Variants in KIAA0586 observed in about 807,000 individuals in gnomAD.
KIAA0586 encodes KIAA0586.
Under a neutral mutation model 169.8 loss-of-function variants are expected in KIAA0586, and 144 were observed. The ratio of observed to expected loss-of-function variants is 0.85; its 90% CI spans 0.74 to 0.97. KIAA0586 has a LOEUF of 0.97. Among genes scored for constraint, KIAA0586 ranks in the 50% least tolerant of loss-of-function variants. The probability of loss-of-function intolerance (pLI) is 0.00; values close to 1 mark genes in which losing one functional copy is unlikely to be tolerated. For synonymous variants in KIAA0586, 625 were observed against 612.4 expected (o/e 1.02, Z -0.30); for missense variants, 1,854 against 1,823.0 (o/e 1.02, Z -0.31).
chr14:58,470,235 T>TA (rs2041103901), intron 16 of KIAA0586, among the ~76,000 whole-genome samples: 1 of 152,094 alleles, frequency 6.6e-6, no homozygotes, highest in Admixed American at 6.6e-5. Flanking sequence ...CATTTAAAAA[T>TA]ATAATTATGA....
chr14:58,493,256 T>C (rs1253221633), intron 26 of KIAA0586, among the ~76,000 whole-genome samples: 1 of 152,174 alleles, frequency 6.6e-6, no homozygotes, highest in Non-Finnish European at 1.5e-5. Context: ...ATCTTGAGGT[T>C]CCTACCTTAG....
At chr14:58,469,516 C>G (rs1043883156) in intron 16 of KIAA0586, among the ~76,000 whole-genome samples, 3 of 152,142 alleles carry the variant, frequency 2.0e-5, no homozygotes, top group Admixed American at 6.5e-5. Flanking sequence ...GAGCCAAGTA[C>G]AAACCCGGTC....
At position 58,550,075 on chromosome 14, in the gene KIAA0586, C is replaced by G. The variant is rs1306426576; in HGVS notation, c.*2143C>G. On this transcript the variant is annotated 3_prime_UTR_variant, in exon 31 of 31. Transcript: ENST00000652326. ...GTGCAATGGCACAATCTTGGCTCAC[C>G]GCAACCTCTGCCTCCTGGTTTCAAG... 6.6e-6 allele frequency: 1 copy of G among 152,064 alleles called. No individual in the cohort carries two copies. 9.4% of individuals were successfully genotyped at this position (152,064 alleles called of 1,614,324 possible).
At chr14:58,508,832 A>G (rs776778276) in intron 28 of KIAA0586, 123 bp downstream of exon 28, 5 of 689,958 alleles carry the variant, frequency 7.2e-6, no homozygotes, top group Admixed American at 2.8e-5. Context: ...TGCCTCCTTT[A>G]TTTCCTAACT....
At chr14:58,470,172 C>G (rs532731956) in intron 16 of KIAA0586, among the ~76,000 whole-genome samples, 2 of 149,950 alleles carry the variant, frequency 1.3e-5, no homozygotes, top group Non-Finnish European at 1.5e-5. Context: ...TAAATTTTTC[C>G]AATTGAAACA....
chr14:58,499,127 G>A (rs1171427662), intron 27 of KIAA0586, among the ~76,000 whole-genome samples, 167 bp downstream of exon 27: 1 of 152,106 alleles, frequency 6.6e-6, no homozygotes, highest in Non-Finnish European at 1.5e-5. Context: ...ATATAGCAGT[G>A]TTTCCCCAAA....
chr14:58,451,313 C>T (rs1748972), intron 8 of KIAA0586, among the ~76,000 whole-genome samples: 148,804 of 152,254 alleles, frequency 0.98, 72,800 homozygotes, highest in Non-Finnish European at 1. Context: ...GCAGCCTTTA[C>T]CTCCTCAGGC....
intron 5 of KIAA0586, 88 bp from the exon 6 acceptor site, chr14:58,443,866 C>T: frequency 2.6e-6 from 2 of 769,986 alleles, no homozygotes. Context: ...CTTATCAATG[C>T]CAATTGATTT....
chr14:58,457,713 G>A (rs2140841986), intron 10 of KIAA0586, 46 bp from the exon 11 acceptor site: 1 of 1,217,506 alleles, frequency 8.2e-7, no homozygotes, highest in Non-Finnish European at 1.2e-6. Context: ...TTGATTAAAG[G>A]AATCGTTGTG....
intron 4 of KIAA0586, chr14:58,441,190 CTTTTTTTTTTT>C: frequency 6.3e-6 from 1 of 157,688 alleles, no homozygotes; most frequent in Non-Finnish European, 1.3e-5. Context: ...TCTTACAATT[CTTTTTTTTTTT>C]TTTTTTTTTT....
At chr14:58,431,310 T>A (rs1274552754) in intron 3 of KIAA0586, among the ~76,000 whole-genome samples, 1 of 152,194 alleles carries the variant, frequency 6.6e-6, no homozygotes, top group Non-Finnish European at 1.5e-5. Flanking sequence ...TTGTCCAGGC[T>A]GGGGTGCAGT....
chr14:58,458,511 A>G lies in KIAA0586; in HGVS notation c.1622A>G (p.Asp541Gly). 2 of 1,545,718 alleles carry G rather than the reference A, an allele frequency of 1.3e-6. No individual in the cohort carries two copies. The highest frequency in any genetic ancestry group is 8.7e-7 in the Non-Finnish European group (1 of 1,142,948). The change falls in exon 12 of 31, where the codon GAT becomes GGT. Residue 541 changes from aspartate (D) to glycine (G), a missense_variant. By Grantham distance (94) the Asp-to-Gly change is moderately conservative (BLOSUM62 -1). Coordinates refer to ENST00000652326, the MANE Select transcript of KIAA0586 (RefSeq NM_001329943.3). ...SEKIRIRKTV[D>G]EWIKTISAEI... ...AAAATTAGGATCAGAAAGACAGTGGATGAATGGATTAAAACTATTTCTGCA... is the reference window on the plus strand; with the variant it reads ...AAAATTAGGATCAGAAAGACAGTGGGTGAATGGATTAAAACTATTTCTGCA...
downstream of KIAA0586, among the ~76,000 whole-genome samples, chr14:58,555,328 T>C (rs1595574808): frequency 1.3e-5 from 2 of 152,190 alleles, no homozygotes; most frequent in African/African-American, 2.4e-5. Flanking sequence ...CTCGAACTCC[T>C]GACCTGAAGT....
chr14:58,517,053 T>C (rs1014939914), intron 29 of KIAA0586, among the ~76,000 whole-genome samples: 1 of 152,144 alleles, frequency 6.6e-6, no homozygotes, highest in Non-Finnish European at 1.5e-5. Flanking sequence ...GAAGAAAATA[T>C]AGGAGAAAAT....
In KIAA0586 at chr14:58,470,456, T is replaced by C. The variant is rs1957943; in HGVS notation, c.2443-157T>C. Among the ~76,000 whole-genome samples, 6,776 of 152,162 alleles carry C rather than the reference T, an allele frequency of 0.045. 457 individuals are homozygous for C. Among genetic ancestry groups the C allele is most frequent in the African/African-American group, 0.15 (6,284 of 41,456 alleles). On this transcript the variant is annotated intron_variant, in intron 16 of 30. Coordinates refer to ENST00000652326, the MANE Select transcript of KIAA0586 (RefSeq NM_001329943.3). The stretch of plus-strand genomic sequence containing the variant: ...AATATGCTTTCATAATTAAAAAATT[T>C]TGTTATCCATTGGGTTCACAATAAA...
Position 58,549,985 on chromosome 14 carries a change from G to A in KIAA0586, c.*2053G>A, listed in dbSNP as rs1391280468. On this transcript the variant is annotated 3_prime_UTR_variant, in exon 31 of 31. Coordinates refer to ENST00000652326, the MANE Select transcript of KIAA0586 (RefSeq NM_001329943.3). ...TGAGCTTTTCTTTTAAAAAAAATTA[G>A]TGTCCATTCGACGGTTTCTTTTTTT... The A allele has an allele frequency of 2.0e-5, 3 of 151,390 alleles. No homozygotes were observed. The highest frequency in any genetic ancestry group is 4.9e-5 in the African/African-American group (2 of 41,222). 9.4% of individuals were successfully genotyped at this position (151,390 alleles called of 1,614,324 possible). A position where few individuals can be genotyped will look rare whatever the true frequency, so the allele number is the denominator to read the frequency against.
chr14:58,505,560 T>G (rs1296094924), intron 27 of KIAA0586, among the ~76,000 whole-genome samples: 1 of 152,208 alleles, frequency 6.6e-6, no homozygotes, highest in Non-Finnish European at 1.5e-5. Flanking sequence ...CTTGAAAGTT[T>G]AAACCAATTT....
At chr14:58,467,057 A>AT (rs1338459899) in intron 15 of KIAA0586, among the ~76,000 whole-genome samples, 12 of 152,070 alleles carry the variant, frequency 7.9e-5, no homozygotes, top group Admixed American at 2.0e-4. Context: ...AAGTATGAAT[A>AT]TTTTTTAATG....
chr14:58,461,783 CA>C (rs2040342884), intron 14 of KIAA0586, among the ~76,000 whole-genome samples: 1 of 152,170 alleles, frequency 6.6e-6, no homozygotes, highest in South Asian at 2.1e-4. Context: ...AGCACTTTTG[CA>C]GTTTGGTTTT....
Sources: allele counts gnomAD v4.1 joint callset (sites outside exome capture counted in the v4.1 genomes callset), GRCh38; gene constraint gnomAD v4.1.1; transcripts MANE v1.5; gene names NCBI Gene and HGNC (gene_info 2026-07-23, HGNC 2026-07-21).